The following DPP10 variants were observed in gnomAD, a reference collection of about 807,000 sequenced individuals.
DPP10 encodes inactive dipeptidyl peptidase 10.
In DPP10, 33 loss-of-function variants were observed where a neutral mutation model predicts 120.9. The observed-to-expected ratio is 0.27, with a 90% CI of 0.21 to 0.37. The LOEUF (loss-of-function observed/expected upper bound fraction) is 0.37. DPP10 is among the 10% of genes least tolerant of loss of function. The pLI is 1.00. For synonymous variants in DPP10, 337 were observed against 326.1 expected (o/e 1.03, Z -0.36); for missense variants, 816 against 942.8 (o/e 0.87, Z 1.76).
At chr2:115,360,339 A>C (rs1032795239) in intron 3 of DPP10, among the ~76,000 whole-genome samples, 1 of 151,850 alleles carries the variant, frequency 6.6e-6, no homozygotes, top group Non-Finnish European at 1.5e-5. Flanking sequence ...TTGTATTGTT[A>C]ATTGGCTTTG....
At chr2:115,461,288 A>G (rs1311143245) in intron 3 of DPP10, among the ~76,000 whole-genome samples, 3 of 151,936 alleles carry the variant, frequency 2.0e-5, no homozygotes, top group African/African-American at 7.3e-5. Flanking sequence ...TTTGATTGTG[A>G]TGGTGGTTAT....
At chr2:115,012,683 CA>C (rs1018490432) in intron 1 of DPP10, among the ~76,000 whole-genome samples, 9 of 152,282 alleles carry the variant, frequency 5.9e-5, no homozygotes, top group African/African-American at 2.2e-4. Flanking sequence ...GACTGAACGG[CA>C]GCACTTGAAT....
intron 1 of DPP10, among the ~76,000 whole-genome samples, chr2:114,999,888 T>A (rs1701328082): frequency 6.6e-6 from 1 of 152,146 alleles, no homozygotes; most frequent in African/African-American, 2.4e-5. Context: ...AAAAAAAGAA[T>A]CATCAAAAGG....
At chr2:114,825,793 C>T (rs924416195) in intron 1 of DPP10, among the ~76,000 whole-genome samples, 15 of 152,156 alleles carry the variant, frequency 9.9e-5, no homozygotes. Flanking sequence ...CTAGTATGAA[C>T]AGTTTGCATG....
At chr2:115,090,478 C>T (rs1709153238) in intron 1 of DPP10, among the ~76,000 whole-genome samples, 1 of 152,108 alleles carries the variant, frequency 6.6e-6, no homozygotes, top group African/African-American at 2.4e-5. Flanking sequence ...GGGACTTGCA[C>T]TTGCCTCGGG....
chr2:115,008,667 G>A (rs1484382091), intron 1 of DPP10, among the ~76,000 whole-genome samples: 4 of 114,824 alleles, frequency 3.5e-5, no homozygotes, highest in Admixed American at 9.0e-5. Flanking sequence ...GAAAATTTTC[G>A]CAACCTACTC....
intron 1 of DPP10, among the ~76,000 whole-genome samples, chr2:114,818,722 A>G (rs1326902785): frequency 6.6e-6 from 1 of 152,154 alleles, no homozygotes; most frequent in Non-Finnish European, 1.5e-5. Flanking sequence ...ATCTGCTGGA[A>G]TGAATATGGT....
intron 3 of DPP10, among the ~76,000 whole-genome samples, chr2:115,371,496 C>T (rs1367767020): frequency 1.3e-5 from 2 of 152,110 alleles, no homozygotes; most frequent in Non-Finnish European, 2.9e-5. Context: ...TTATTGAATA[C>T]CTTTTTCCCT....
intron 1 of DPP10, among the ~76,000 whole-genome samples, chr2:114,501,431 A>G (rs1252509285): frequency 6.6e-6 from 1 of 152,152 alleles, no homozygotes; most frequent in Non-Finnish European, 1.5e-5. Context: ...AAATTAAAAA[A>G]TTTTGTTGTC....
At chr2:115,794,354 C>T (rs1684312374) in intron 19 of DPP10, among the ~76,000 whole-genome samples, 1 of 152,112 alleles carries the variant, frequency 6.6e-6, no homozygotes, top group Non-Finnish European at 1.5e-5. Flanking sequence ...AAGAAAGTGG[C>T]CTCTGGCAAT....
intron 3 of DPP10, among the ~76,000 whole-genome samples, chr2:115,372,310 T>C (rs2065468151): frequency 6.6e-6 from 1 of 152,162 alleles, no homozygotes; most frequent in African/African-American, 2.4e-5. Context: ...CTGGTGATTT[T>C]TTTCTTTTTA....
At chr2:115,365,305 G>A (rs748869448) in intron 3 of DPP10, among the ~76,000 whole-genome samples, 4 of 151,894 alleles carry the variant, frequency 2.6e-5, no homozygotes, top group Non-Finnish European at 4.4e-5. Context: ...AAAGAAAAAT[G>A]CAAACATGGA....
intron 1 of DPP10, among the ~76,000 whole-genome samples, chr2:114,581,687 G>T (rs1690539520): frequency 6.6e-6 from 1 of 152,046 alleles, no homozygotes; most frequent in Non-Finnish European, 1.5e-5. Context: ...CCTAACTAAT[G>T]AGCTAAATAA....
intron 1 of DPP10, among the ~76,000 whole-genome samples, chr2:115,286,490 TAA>T (rs1491400168): frequency 5.2e-5 from 2 of 38,528 alleles, no homozygotes; most frequent in South Asian, 9.3e-4. Flanking sequence ...AATATATATA[TAA>T]TATATATATA....
At chr2:115,030,034 C>A (rs919155874) in intron 1 of DPP10, among the ~76,000 whole-genome samples, 1 of 152,166 alleles carries the variant, frequency 6.6e-6, no homozygotes, top group African/African-American at 2.4e-5. Context: ...ACTCATGCTG[C>A]TTTCACTTTC....
At chr2:114,494,115 A>AAAAAAAC (rs1682270217) in intron 1 of DPP10, among the ~76,000 whole-genome samples, 1 of 142,542 alleles carries the variant, frequency 7.0e-6, no homozygotes, top group African/African-American at 2.5e-5. Flanking sequence ...AAAAAAAAAA[A>AAAAAAAC]AAAAAACCCA....
intron 5 of DPP10, among the ~76,000 whole-genome samples, chr2:115,687,711 T>C (rs1000547635): frequency 6.6e-6 from 1 of 152,042 alleles, no homozygotes; most frequent in African/African-American, 2.4e-5. Context: ...ATCACACCAT[T>C]TGAAGACATA....
chr2:114,631,923 C>G (rs1415159418), intron 1 of DPP10, among the ~76,000 whole-genome samples: 1 of 152,022 alleles, frequency 6.6e-6, no homozygotes, highest in Non-Finnish European at 1.5e-5. Flanking sequence ...TTTCTTTAGT[C>G]TCTTTTGGTC....
At chr2:114,517,235 G>A (rs1433952481) in intron 1 of DPP10, among the ~76,000 whole-genome samples, 1 of 152,034 alleles carries the variant, frequency 6.6e-6, no homozygotes, top group African/African-American at 2.4e-5. Flanking sequence ...AGAAATCAGG[G>A]TATGGCTGGG....
Sources: gnomAD v4.1 joint callset for allele counts (sites outside exome capture counted in the v4.1 genomes callset) on GRCh38, gnomAD v4.1.1 for gene constraint, MANE v1.5 for transcripts, NCBI Gene and HGNC (gene_info 2026-07-23, HGNC 2026-07-21) for gene names.